The following BAALC variants were observed in gnomAD, a reference collection of about 807,000 sequenced individuals.
BAALC encodes the protein brain and acute leukemia cytoplasmic protein.
In BAALC, 9 loss-of-function variants were observed where a neutral mutation model predicts 15.5. The observed-to-expected ratio is 0.58, with a 90% CI of 0.35 to 1.02. The LOEUF is 1.02. Among genes scored for constraint, BAALC ranks in the 50% least tolerant of loss-of-function variants. The pLI, the probability that BAALC is intolerant of heterozygous loss-of-function variation, is 0.02. For missense variants in BAALC, 201 were observed against 192.4 expected (o/e 1.04, Z -0.27); for synonymous variants, 80 against 74.6 (o/e 1.07, Z -0.37).
rs907318331 is a variant in BAALC at position 103,165,004 on chromosome 8, AT to A, written c.160+23950del. On this transcript the variant is annotated intron_variant, in intron 1 of 2. Transcript: ENST00000309982. ...ACACTAACTTTGGTATCTGTCTTGC[AT>A]TTGAAGAATGTGATAGGCTATTGCT... 5.3e-4 allele frequency among the ~76,000 whole-genome samples: 81 copies of A among 152,292 alleles called. No homozygotes were observed. The Middle Eastern group carries it at 0.031, about 58-fold the overall frequency.
intron 1 of BAALC, among the ~76,000 whole-genome samples, chr8:103,196,169 C>T (rs1242536817): frequency 6.6e-6 from 1 of 152,174 alleles, no homozygotes. Context: ...AGCAGGAGAG[C>T]TCACAAAGAG....
intron 1 of BAALC, among the ~76,000 whole-genome samples, chr8:103,210,508 A>G (rs1430144519): frequency 1.3e-5 from 2 of 152,262 alleles, no homozygotes; most frequent in Non-Finnish European, 2.9e-5. Flanking sequence ...CCCGCCCTTG[A>G]TATACAAAAA....
chr8:103,174,411 G>A (rs913917186), intron 1 of BAALC, among the ~76,000 whole-genome samples: 1 of 152,174 alleles, frequency 6.6e-6, no homozygotes, highest in Non-Finnish European at 1.5e-5. Context: ...CAAGCCCCAG[G>A]AAGGGCTTCC....
At chr8:103,209,445 C>T (rs1018252445) in intron 1 of BAALC, among the ~76,000 whole-genome samples, 2 of 152,140 alleles carry the variant, frequency 1.3e-5, no homozygotes, top group African/African-American at 2.4e-5. Context: ...CCAGCCTTGA[C>T]TCCCATTCAG....
rs1232231579 is a variant in BAALC, at chr8:103,141,162, G to A, written c.160+105G>A. On this transcript the variant is annotated intron_variant, in intron 1 of 2. Transcript: ENST00000309982. ...TTCCCTGAGGAATTGATGGCGCGGC[G>A]GGGGTGGCTGGGAGGAAGCAGAGGC... is the stretch of plus-strand genomic sequence containing the variant. 5.5e-6 allele frequency: 7 copies of A among 1,275,814 alleles called. No individual in the cohort carries two copies. The East Asian group carries it at 2.2e-4, about 40-fold the overall frequency. 79.0% of individuals were successfully genotyped at this position (1,275,814 alleles called of 1,614,324 possible).
At position 103,140,891 on chromosome 8, in the gene BAALC, CAGG is replaced by C; in HGVS notation, c.-2_1del. On this transcript the variant is annotated 5_prime_UTR_variant, in exon 1 of 3. Transcript: ENST00000309982. The surrounding 1 kb of genome is among the most constrained non-coding windows in gnomAD (Gnocchi z 4.2). ...GCAGCCGCTGGGCGCTCCCGCGGCG[CAGG>C]AGGATGGGCTGCGGCGGGAGCCGGG... The C allele has an allele frequency of 6.6e-7, 1 of 1,507,132 alleles. No individual in the cohort carries two copies. Among genetic ancestry groups the C allele is most frequent in the Non-Finnish European group, 8.9e-7 (1 of 1,128,454 alleles). The allele number at this position is 1,507,132 out of a possible 1,614,324, so 93.4% of individuals were successfully genotyped here.
rs186841794 is a variant in BAALC, at chr8:103,164,026, C to T, written c.160+22969C>T. ...GGCAATTTCAGACATTGGTAAGCAC[C>T]GTGAAGAAAACCAAGATAATAAAAT... On this transcript the variant is annotated intron_variant, in intron 1 of 2. Coordinates refer to ENST00000309982, the MANE Select transcript of BAALC (RefSeq NM_024812.3). Among the ~76,000 whole-genome samples, 195 of 152,160 alleles carry T rather than the reference C, an allele frequency of 1.3e-3. 1 individual carries two copies. Among genetic ancestry groups the T allele is most frequent in the African/African-American group, 4.4e-3 (182 of 41,514 alleles).
chr8:103,212,775 T>G, intron 1 of BAALC, 144 bp from the exon 2 acceptor site: 1 of 718,880 alleles, frequency 1.4e-6, no homozygotes, highest in Non-Finnish European at 2.1e-6. Context: ...TATGTTCTTA[T>G]AGAAAAGGGT....
chr8:103,222,349 A>C (rs1812695198), intron 2 of BAALC, among the ~76,000 whole-genome samples: 1 of 152,168 alleles, frequency 6.6e-6, no homozygotes, highest in African/African-American at 2.4e-5. Flanking sequence ...CAATTTCAAG[A>C]TATGTCAAGA....
At chr8:103,179,297 C>T (rs1811675682) in intron 1 of BAALC, among the ~76,000 whole-genome samples, 1 of 152,206 alleles carries the variant, frequency 6.6e-6, no homozygotes, top group Non-Finnish European at 1.5e-5. Flanking sequence ...GCTGAAACAT[C>T]TCCACATGTC....
chr8:103,196,879 TA>T (rs1161959959), intron 1 of BAALC, among the ~76,000 whole-genome samples: 1 of 152,174 alleles, frequency 6.6e-6, no homozygotes, highest in Non-Finnish European at 1.5e-5. Context: ...GTCTAATCTT[TA>T]GTGGGTGACC....
At chr8:103,226,985 A>C (rs958233503) in intron 2 of BAALC, among the ~76,000 whole-genome samples, 2 of 152,172 alleles carry the variant, frequency 1.3e-5, no homozygotes, top group Non-Finnish European at 2.9e-5. Context: ...TAACCACTCT[A>C]CTAAAGCCAA....
intron 1 of BAALC, chr8:103,183,513 A>G: frequency 1.4e-6 from 1 of 699,810 alleles, no homozygotes; most frequent in Non-Finnish European, 2.6e-6. Flanking sequence ...GGAGGTGGGT[A>G]TGGGACAACT....
intron 1 of BAALC, among the ~76,000 whole-genome samples, chr8:103,147,315 A>C (rs1292915853): frequency 6.6e-6 from 1 of 152,240 alleles, no homozygotes; most frequent in Non-Finnish European, 1.5e-5. Context: ...AATATGTAGA[A>C]AGAATGAATA....
intron 1 of BAALC, among the ~76,000 whole-genome samples, chr8:103,173,516 G>GT (rs1451454453): frequency 1.4e-3 from 216 of 152,180 alleles, no homozygotes; most frequent in African/African-American, 4.9e-3. Flanking sequence ...GCTAATAATA[G>GT]ATTTTTTTCA....
chr8:103,202,049 A>G (rs1272329357), intron 1 of BAALC, among the ~76,000 whole-genome samples: 1 of 152,208 alleles, frequency 6.6e-6, no homozygotes, highest in East Asian at 1.9e-4. Flanking sequence ...TTCCTGGTAG[A>G]TAAGATTATG....
intron 1 of BAALC, among the ~76,000 whole-genome samples, chr8:103,179,283 T>A (rs1421805807): frequency 6.6e-6 from 1 of 152,226 alleles, no homozygotes; most frequent in African/African-American, 2.4e-5. Context: ...GTGTGGCCTC[T>A]ACAGCTGAAA....
chr8:103,149,511 C>G (rs1473977772), intron 1 of BAALC, among the ~76,000 whole-genome samples: 2 of 152,202 alleles, frequency 1.3e-5, no homozygotes, highest in South Asian at 2.1e-4. Flanking sequence ...TAATGCCTCT[C>G]TCAGCATTTA....
At chr8:103,145,777 G>A (rs1408559507) in intron 1 of BAALC, among the ~76,000 whole-genome samples, 1 of 152,160 alleles carries the variant, frequency 6.6e-6, no homozygotes. Flanking sequence ...CTAGAACGTA[G>A]GTGGCGCTCA....
Sources: allele counts gnomAD v4.1 joint callset (sites outside exome capture counted in the v4.1 genomes callset), GRCh38; gene constraint gnomAD v4.1.1; non-coding constraint Gnocchi (gnomAD v3.1); transcripts MANE v1.5; gene names NCBI Gene and HGNC (gene_info 2026-07-23, HGNC 2026-07-21).